Variants in ELL observed in about 807,000 individuals in gnomAD.
ELL encodes the protein elongation factor for RNA polymerase II, also known as RNA polymerase II elongation factor ELL.
ELL carries 18 observed loss-of-function variants against 64.0 expected under a neutral mutation model. The observed-to-expected ratio is 0.28, with a 90% CI of 0.19 to 0.42. The LOEUF is 0.42. ELL is among the 10% of genes least tolerant of loss of function. ELL has a pLI of 1.00. For synonymous variants in ELL, 399 were observed against 376.2 expected (o/e 1.06, Z -0.70); for missense variants, 797 against 870.4 (o/e 0.92, Z 1.06).
At position 18,465,871 on chromosome 19, in the gene ELL, G is replaced by A; in HGVS notation, c.231C>T (p.Phe77=). 2 of 1,343,052 alleles carry A rather than the reference G, an allele frequency of 1.5e-6. No individual in the cohort carries two copies. Among genetic ancestry groups the A allele is most frequent in the Non-Finnish European group, 1.9e-6 (2 of 1,038,224 alleles). The allele number at this position is 1,343,052 out of a possible 1,614,324, so 83.2% of individuals were successfully genotyped here. ...GGCCGATGTTGGAGAGGTAGAAGGA[G>A]AACGTCCGCGCCTCTGCGGGGCAGT... ...QPDCPAEART[F]SFYLSNIGRD... Residue 77 remains phenylalanine, a synonymous_variant, in exon 3 of 12, where the codon TTC becomes TTT. Transcript: ENST00000262809.
rs1974476010 is a variant in ELL at position 18,449,348 on chromosome 19, C to G, written c.1465+1129G>C. 6.6e-6 allele frequency among the ~76,000 whole-genome samples: 1 copy of G among 152,106 alleles called. No individual in the cohort carries two copies. The highest frequency in any genetic ancestry group is 2.1e-4 in the South Asian group (1 of 4,828). On this transcript the variant is annotated intron_variant, in intron 8 of 11. Coordinates refer to ENST00000262809, the MANE Select transcript of ELL (RefSeq NM_006532.4). This position sits in a 1 kb window ranked among gnomAD's most constrained non-coding sequence, Gnocchi z 4.4. Reference sequence around the variant, plus strand: ...TGGGAATCAGGAGTCCTGCCCTGAGCATGGCCCTGGTCAGAGAGGCTGCCC... The same window carrying G: ...TGGGAATCAGGAGTCCTGCCCTGAGGATGGCCCTGGTCAGAGAGGCTGCCC...
intron 1 of ELL, among the ~76,000 whole-genome samples, chr19:18,498,828 T>A (rs1486275641): frequency 6.6e-6 from 1 of 152,170 alleles, no homozygotes; most frequent in East Asian, 1.9e-4. Context: ...CAGGCGCCTA[T>A]AGTCCCAGTT....
intron 6 of ELL, 118 bp from the exon 7 acceptor site, chr19:18,451,766 A>G: frequency 1.3e-6 from 1 of 781,604 alleles, no homozygotes; most frequent in South Asian, 2.1e-5. Context: ...CCTCCTCCCA[A>G]ATCCAGAGCA....
intron 2 of ELL, among the ~76,000 whole-genome samples, chr19:18,467,350 C>T (rs968190021): frequency 1.3e-5 from 2 of 152,044 alleles, no homozygotes; most frequent in African/African-American, 4.8e-5. Flanking sequence ...CTCTCAGCCT[C>T]GAACATGTCC....
At chr19:18,510,390 C>T (rs558665096) in intron 1 of ELL, among the ~76,000 whole-genome samples, 4 of 152,274 alleles carry the variant, frequency 2.6e-5, no homozygotes, top group African/African-American at 9.6e-5. Flanking sequence ...AAAGAGAAAC[C>T]TGCATCCCAA....
intron 6 of ELL, among the ~76,000 whole-genome samples, chr19:18,453,674 C>T (rs1974590308): frequency 6.6e-6 from 1 of 152,236 alleles, no homozygotes; most frequent in Non-Finnish European, 1.5e-5. Flanking sequence ...CCTCCCACCT[C>T]AGCCTCTAGG....
At chr19:18,511,615 C>A (rs1976025127) in intron 1 of ELL, among the ~76,000 whole-genome samples, 1 of 152,168 alleles carries the variant, frequency 6.6e-6, no homozygotes, top group Admixed American at 6.5e-5. Context: ...GCCCACTGCC[C>A]ACCACCCACC....
intron 1 of ELL, among the ~76,000 whole-genome samples, chr19:18,491,751 C>CA (rs199607470): frequency 0.023 from 3,475 of 150,008 alleles, 68 homozygotes; most frequent in Non-Finnish European, 0.029. Context: ...CCTGTCTCTA[C>CA]AAAAAAAAAC....
intron 1 of ELL, among the ~76,000 whole-genome samples, chr19:18,498,662 T>TA (rs1975714846): frequency 6.6e-6 from 1 of 152,160 alleles, no homozygotes; most frequent in Admixed American, 6.5e-5. Flanking sequence ...CAGGCTGGGT[T>TA]AAGAACACAG....
At chr19:18,462,346 T>C (rs1320627569) in intron 4 of ELL, among the ~76,000 whole-genome samples, 1 of 75,942 alleles carries the variant, frequency 1.3e-5, no homozygotes, top group Non-Finnish European at 2.2e-5. Context: ...TGTGTGTGTG[T>C]GTGTGTGTGT....
chr19:18,504,392 A>C (rs974171891), intron 1 of ELL, among the ~76,000 whole-genome samples: 1 of 152,126 alleles, frequency 6.6e-6, no homozygotes, highest in South Asian at 2.1e-4. Context: ...TGCTTTGCTA[A>C]ATTTCCCCTA....
At chr19:18,483,720 G>A (rs1975354291) in intron 1 of ELL, among the ~76,000 whole-genome samples, 1 of 152,194 alleles carries the variant, frequency 6.6e-6, no homozygotes, top group Non-Finnish European at 1.5e-5. Flanking sequence ...CAGGGTAGCA[G>A]GATATGACAA....
chr19:18,513,540 C>A (rs1470047498), intron 1 of ELL, among the ~76,000 whole-genome samples: 1 of 152,130 alleles, frequency 6.6e-6, no homozygotes, highest in African/African-American at 2.4e-5. Flanking sequence ...GCAATGAGAA[C>A]AGACTTGCTA....
chr19:18,487,841 G>A (rs1052747297), intron 1 of ELL, among the ~76,000 whole-genome samples: 8 of 152,164 alleles, frequency 5.3e-5, no homozygotes, highest in East Asian at 3.8e-4. Flanking sequence ...GAGCCTTCCC[G>A]GTACAATCTG....
intron 10 of ELL, among the ~76,000 whole-genome samples, chr19:18,445,730 A>C (rs1254841651): frequency 6.6e-6 from 1 of 152,104 alleles, no homozygotes; most frequent in African/African-American, 2.4e-5. Context: ...TCAGGTCACC[A>C]GTTCCGAAAG....
intron 8 of ELL, 29 bp downstream of exon 8, chr19:18,450,448 C>T (rs747043406): frequency 2.9e-5 from 46 of 1,603,042 alleles, no homozygotes; most frequent in East Asian, 4.5e-5. Context: ...CTTAGAGCCC[C>T]GGCAACGCCC....
chr19:18,476,257 C>T (rs1017394376), intron 1 of ELL, among the ~76,000 whole-genome samples: 4 of 152,246 alleles, frequency 2.6e-5, no homozygotes, highest in Middle Eastern at 3.2e-3. Context: ...CGGCCCGGGG[C>T]TAACACAAGC....
Position 18,502,671 on chromosome 19 carries a change from G to C in ELL, c.135+19250C>G, listed in dbSNP as rs140052873. Among the ~76,000 whole-genome samples the C allele has an allele frequency of 1.2e-3, 186 of 152,266 alleles. 1 individual carries two copies. The highest frequency in any genetic ancestry group is 4.3e-3 in the African/African-American group (177 of 41,524). On this transcript the variant is annotated intron_variant, in intron 1 of 11. Coordinates refer to ENST00000262809, the MANE Select transcript of ELL (RefSeq NM_006532.4). ...GAGACGGTGTTTAAATGAGAGAGAG[G>C]GCCCAATGACAACGGACACCAGACA...
At chr19:18,476,218 T>A (rs1390531839) in intron 1 of ELL, among the ~76,000 whole-genome samples, 1 of 152,146 alleles carries the variant, frequency 6.6e-6, no homozygotes. Context: ...GGGCCCCGTC[T>A]CTCGCGGTGC....
Sources: gnomAD v4.1 joint callset for allele counts (sites outside exome capture counted in the v4.1 genomes callset) on GRCh38, gnomAD v4.1.1 for gene constraint, Gnocchi (gnomAD v3.1) non-coding constraint, MANE v1.5 for transcripts, NCBI Gene and HGNC (gene_info 2026-07-23, HGNC 2026-07-21) for gene names.